PRR7: variants seen among roughly 807,000 people sequenced by gnomAD.
PRR7 encodes proline rich 7, synaptic, also known as proline-rich protein 7.
A neutral mutation model predicts 18.5 loss-of-function variants in PRR7; 8 were observed. The ratio of observed to expected loss-of-function variants is 0.43; its 90% CI spans 0.25 to 0.78. PRR7 has a LOEUF of 0.78. Among genes scored for constraint, PRR7 ranks in the 30% least tolerant of loss-of-function variants. PRR7 has a pLI of 0.22. For synonymous variants in PRR7, 221 were observed against 187.7 expected, an observed-to-expected ratio of 1.18 and a Z score of -1.45; for missense variants, 396 against 403.1, an observed-to-expected ratio of 0.98 and a Z score of 0.15.
In PRR7 at chr5:177,449,482, C is replaced by T. The variant is rs1756082111; in HGVS notation, c.-325+2522C>T. The stretch of plus-strand genomic sequence containing the variant: ...AAGCCAGATTTGAGCTCAGGCCTAC[C>T]CCTCGGCACTCTGCATGTTACCCAG... On this transcript the variant is annotated intron_variant, in intron 1 of 3. Transcript: ENST00000323249. This position sits in a 1 kb window ranked among gnomAD's most constrained non-coding sequence, Gnocchi z 4.2. 6.6e-6 allele frequency among the ~76,000 whole-genome samples: 1 copy of T among 151,642 alleles called. No homozygotes were observed. Among genetic ancestry groups the T allele is most frequent in the African/African-American group, 2.4e-5 (1 of 41,124 alleles).
chr5:177,452,381 G>GT (rs1361486269), intron 1 of PRR7, among the ~76,000 whole-genome samples: 1 of 152,254 alleles, frequency 6.6e-6, no homozygotes, highest in Admixed American at 6.5e-5. Flanking sequence ...TAAAGGAGCA[G>GT]TAAGGGGGCA....
chr5:177,453,685 C>A (rs1264006074), intron 1 of PRR7, among the ~76,000 whole-genome samples: 1 of 152,124 alleles, frequency 6.6e-6, no homozygotes, highest in Non-Finnish European at 1.5e-5. Flanking sequence ...GTAGCCCAGG[C>A]AGCGCTACCC....
Position 177,449,363 on chromosome 5 carries a change from G to T in PRR7, c.-325+2403G>T, listed in dbSNP as rs1756075405. On this transcript the variant is annotated intron_variant, in intron 1 of 3. Transcript: ENST00000323249. The surrounding 1 kb of genome is among the most constrained non-coding windows in gnomAD (Gnocchi z 4.2). ...GTGATCCCTCATCAGAGGGAGTTCT[G>T]TTGTCCCCTCGGCACCCTGGTCCTA... 6.6e-6 allele frequency among the ~76,000 whole-genome samples: 1 copy of T among 152,180 alleles called. No homozygotes were observed.
At position 177,456,279 on chromosome 5, in the gene PRR7, T is replaced by C. The variant is rs552210181; in HGVS notation, c.*158T>C. ...GATAATAAAGGTGTGTGATCTGGTT[T>C]GGTACAAGCGGAGGGTGCACCGGCT... On this transcript the variant is annotated 3_prime_UTR_variant, in exon 4 of 4. Transcript: ENST00000323249. 9.7e-7 allele frequency: 1 copy of C among 1,026,792 alleles called. No individual in the cohort carries two copies. Among genetic ancestry groups the C allele is most frequent in the South Asian group, 2.0e-5 (1 of 49,736 alleles). The allele number at this position is 1,026,792 out of a possible 1,614,324, so 63.6% of individuals were successfully genotyped here.
chr5:177,448,194 C>G (rs1755990996), intron 1 of PRR7: 1 of 152,280 alleles, frequency 6.6e-6, no homozygotes, highest in African/African-American at 2.4e-5. Context: ...GGGGAGGCAT[C>G]CTAGAGGTGA....
intron 1 of PRR7, among the ~76,000 whole-genome samples, chr5:177,452,020 C>T (rs1480291667): frequency 6.6e-6 from 1 of 152,176 alleles, no homozygotes. Context: ...CGCTTTCATC[C>T]CCCTGCCGTG....
intron 1 of PRR7, among the ~76,000 whole-genome samples, chr5:177,453,566 C>T (rs1490815591): frequency 6.6e-6 from 1 of 152,126 alleles, no homozygotes; most frequent in Non-Finnish European, 1.5e-5. Flanking sequence ...CATGGCCTGG[C>T]TTCCCCCCAG....
At position 177,450,624 on chromosome 5, in the gene PRR7, C is replaced by G. The variant is rs1437939913; in HGVS notation, c.-324-3332C>G. On this transcript the variant is annotated intron_variant, in intron 1 of 3. Coordinates refer to ENST00000323249, the MANE Select transcript of PRR7 (RefSeq NM_030567.5). This position sits in a 1 kb window ranked among gnomAD's most constrained non-coding sequence, Gnocchi z 6.6. ...CTGGTAAGGCCGATGGTGCTCGGCC[C>G]TGGCCACCCCGGAACATCCTGGCAT... 6.6e-6 allele frequency among the ~76,000 whole-genome samples: 1 copy of G among 152,236 alleles called. No homozygotes were observed. The highest frequency in any genetic ancestry group is 1.5e-5 in the Non-Finnish European group (1 of 68,044).
Position 177,455,892 on chromosome 5 carries a change from C to T in PRR7, c.596C>T (p.Pro199Leu), listed in dbSNP as rs1298021853. Residue 199 changes from proline to leucine, a missense_variant, in exon 4 of 4, where the codon CCC (proline) becomes CTC (leucine). Coordinates refer to ENST00000323249, the MANE Select transcript of PRR7 (RefSeq NM_030567.5). This position sits in a 1 kb window ranked among gnomAD's most constrained non-coding sequence, Gnocchi z 6.9. ...DSAEKQEQPP[P>L]SYKPLFLDRG... ...GCGGAGAAGCAGGAGCAGCCGCCTC[C>T]CAGCTACAAGCCGCTCTTCCTGGAC... The T allele has an allele frequency of 1.2e-6, 2 of 1,610,324 alleles. No individual in the cohort carries two copies. Among genetic ancestry groups the T allele is most frequent in the Admixed American group, 1.7e-5 (1 of 59,966 alleles).
chr5:177,456,125 G>T lies in PRR7; in HGVS notation c.*4G>T. 1 of 1,427,998 alleles carries T rather than the reference G, an allele frequency of 7.0e-7. No individual in the cohort carries two copies. The highest frequency in any genetic ancestry group is 2.7e-5 in the East Asian group (1 of 37,354). The allele number at this position is 1,427,998 out of a possible 1,614,324, so 88.5% of individuals were successfully genotyped here. A position where few individuals can be genotyped will look rare whatever the true frequency, so the allele number is the denominator to read the frequency against. On this transcript the variant is annotated 3_prime_UTR_variant, in exon 4 of 4. Coordinates refer to ENST00000323249, the MANE Select transcript of PRR7 (RefSeq NM_030567.5). The stretch of plus-strand genomic sequence containing the variant: ...CGGGAGGACTACAGCCGTATAGAGG[G>T]GCGCCCGGCGCCCCGGGCCCCACCG...
In PRR7 at chr5:177,450,567, A is replaced by C. The variant is rs928528643; in HGVS notation, c.-324-3389A>C. ...CGAGCCCTCCAGCATCTCCTTCCAT[A>C]GGTGGTTCTTGAGCCAATTACTGGG... is the stretch of plus-strand genomic sequence containing the variant. On this transcript the variant is annotated intron_variant, in intron 1 of 3. Transcript: ENST00000323249. The surrounding 1 kb of genome is among the most constrained non-coding windows in gnomAD (Gnocchi z 6.6). Among the ~76,000 whole-genome samples the C allele has an allele frequency of 2.6e-5, 4 of 152,156 alleles. No individual in the cohort carries two copies. In the South Asian group the frequency reaches 6.2e-4, roughly 24 times the overall value.
Position 177,454,854 on chromosome 5 carries a change from C to T in PRR7, c.-214C>T, listed in dbSNP as rs1234654843. 4.3e-6 allele frequency: 2 copies of T among 463,944 alleles called. No individual in the cohort carries two copies. Among genetic ancestry groups the T allele is most frequent in the South Asian group, 2.1e-4 (2 of 9,310 alleles). The allele number at this position is 463,944 out of a possible 1,614,324, so 28.7% of individuals were successfully genotyped here. A position where few individuals can be genotyped will look rare whatever the true frequency, so the allele number is the denominator to read the frequency against. ...GTCCCGCGCGGCCCCGGGTGAGGCA[C>T]GCCCGCGCGCCCGCCGGCGCCATGG... On this transcript the variant is annotated 5_prime_UTR_variant, in exon 3 of 4. The change creates a new upstream start codon in the 5' untranslated region. Transcript: ENST00000323249. This position sits in a 1 kb window ranked among gnomAD's most constrained non-coding sequence, Gnocchi z 4.7.
intron 1 of PRR7, among the ~76,000 whole-genome samples, chr5:177,451,053 C>T (rs1254826838): frequency 6.6e-6 from 1 of 152,182 alleles, no homozygotes; most frequent in Non-Finnish European, 1.5e-5. Flanking sequence ...CTGGCCTGGC[C>T]AAGGCAGTGG....
chr5:177,454,848 G>A lies in PRR7; in HGVS notation c.-220G>A. The A allele has an allele frequency of 7.3e-6, 3 of 413,596 alleles. No individual in the cohort carries two copies. The highest frequency in any genetic ancestry group is 1.1e-5 in the Non-Finnish European group (3 of 264,000). The allele number at this position is 413,596 out of a possible 1,614,324, so 25.6% of individuals were successfully genotyped here. On this transcript the variant is annotated 5_prime_UTR_variant, in exon 3 of 4. Transcript: ENST00000323249. The surrounding 1 kb of genome is among the most constrained non-coding windows in gnomAD (Gnocchi z 4.7). ...CTACAGGTCCCGCGCGGCCCCGGGTGAGGCACGCCCGCGCGCCCGCCGGCG... is the reference window on the plus strand; with the variant it reads ...CTACAGGTCCCGCGCGGCCCCGGGTAAGGCACGCCCGCGCGCCCGCCGGCG...
chr5:177,454,871 G>T lies in PRR7; in HGVS notation c.-197G>T. The T allele has an allele frequency of 3.1e-6, 2 of 645,174 alleles. No individual in the cohort carries two copies. Among genetic ancestry groups the T allele is most frequent in the Non-Finnish European group, 4.3e-6 (2 of 467,556 alleles). The allele number at this position is 645,174 out of a possible 1,614,324, so 40.0% of individuals were successfully genotyped here. A position where few individuals can be genotyped will look rare whatever the true frequency, so the allele number is the denominator to read the frequency against. On this transcript the variant is annotated 5_prime_UTR_variant, in exon 3 of 4. Transcript: ENST00000323249. The surrounding 1 kb of genome is among the most constrained non-coding windows in gnomAD (Gnocchi z 4.7). The stretch of plus-strand genomic sequence containing the variant: ...GTGAGGCACGCCCGCGCGCCCGCCG[G>T]CGCCATGGGAAGGAGCGGGCGCCGC...
chr5:177,448,124 G>A (rs1283621436), intron 1 of PRR7, among the ~76,000 whole-genome samples: 1 of 152,232 alleles, frequency 6.6e-6, no homozygotes, highest in Admixed American at 6.5e-5. Context: ...AGCCCCGACC[G>A]CGGGCTTCAG....
chr5:177,455,044 GGACCCGCCGCCC>G lies in PRR7; in HGVS notation c.-22_-11del, dbSNP rs1756343181. On this transcript the variant is annotated 5_prime_UTR_variant, in exon 3 of 4. Transcript: ENST00000323249. This position sits in a 1 kb window ranked among gnomAD's most constrained non-coding sequence, Gnocchi z 6.9. ...GCCCAGTGTCCAGTGAAGCGTCTGA[GGACCCGCCGCCC>G]GTGCCGCCGCCATGGTGATGTCCCA... 1 of 1,446,036 alleles carries G rather than the reference GGACCCGCCGCCC, an allele frequency of 6.9e-7. No homozygotes were observed. Among genetic ancestry groups the G allele is most frequent in the East Asian group, 2.7e-5 (1 of 36,422 alleles). 89.6% of individuals were successfully genotyped at this position (1,446,036 alleles called of 1,614,324 possible).
chr5:177,450,689 T>C lies in PRR7; in HGVS notation c.-324-3267T>C, dbSNP rs928950138. On this transcript the variant is annotated intron_variant, in intron 1 of 3. Coordinates refer to ENST00000323249, the MANE Select transcript of PRR7 (RefSeq NM_030567.5). This position sits in a 1 kb window ranked among gnomAD's most constrained non-coding sequence, Gnocchi z 6.6. ...TCCCTGAGGGGTGAGGTGGCTCAGGTGAGCCCCAGAGGCCTTGGCAGGAGC... is the reference window on the plus strand; with the variant it reads ...TCCCTGAGGGGTGAGGTGGCTCAGGCGAGCCCCAGAGGCCTTGGCAGGAGC... Among the ~76,000 whole-genome samples the C allele has an allele frequency of 6.6e-6, 1 of 152,140 alleles. No homozygotes were observed. Among genetic ancestry groups the C allele is most frequent in the Non-Finnish European group, 1.5e-5 (1 of 68,010 alleles).
At chr5:177,446,339 G>C (rs1363917370), upstream of PRR7, 1 of 152,360 alleles carries the variant, frequency 6.6e-6, no homozygotes, top group African/African-American at 2.4e-5. The surrounding 1 kb of genome is among the most constrained non-coding windows in gnomAD (Gnocchi z 5.3). Context: ...TACGCCTGCT[G>C]GGCACCTAGC....
Sources: allele counts gnomAD v4.1 joint callset (sites outside exome capture counted in the v4.1 genomes callset), GRCh38; gene constraint gnomAD v4.1.1; non-coding constraint Gnocchi (gnomAD v3.1); transcripts MANE v1.5; gene names NCBI Gene and HGNC (gene_info 2026-07-23, HGNC 2026-07-21).